The following ARHGAP10 variants were observed in gnomAD, a reference collection of about 807,000 sequenced individuals.
The protein encoded by ARHGAP10 is rho GTPase-activating protein 10.
ARHGAP10 carries 87 observed loss-of-function variants against 108.6 expected under a neutral mutation model. The ratio of observed to expected loss-of-function variants is 0.80; its 90% confidence interval spans 0.67 to 0.96. The LOEUF (loss-of-function observed/expected upper bound fraction) is 0.96, where lower values mean the gene tolerates loss of function less well. Ranked by LOEUF, ARHGAP10 falls within the 40% of genes least tolerant of loss-of-function variation. The pLI is 0.00. For missense variants in ARHGAP10, 939 were observed against 954.5 expected (o/e 0.98, Z 0.21); for synonymous variants, 347 against 341.1 (o/e 1.02, Z -0.19).
At chr4:147,996,113 G>A (rs1035456882) in intron 18 of ARHGAP10, among the ~76,000 whole-genome samples, 4 of 152,178 alleles carry the variant, frequency 2.6e-5, no homozygotes, top group Admixed American at 6.5e-5. Context: ...TGCAGGAGAT[G>A]GTTTGGGCAG....
rs1282789533 is a variant in ARHGAP10 at position 147,824,118 on chromosome 4, G to A, written c.312+1161G>A. Among the ~76,000 whole-genome samples the A allele has an allele frequency of 3.3e-5, 5 of 152,188 alleles. No individual in the cohort carries two copies. The East Asian group carries it at 7.7e-4, about 24-fold the overall frequency. On this transcript the variant is annotated intron_variant, in intron 3 of 22. Transcript: ENST00000336498. ...GCGAGTCACCTGAGGTCAGGAGTTC[G>A]AGACCAGCCTGGCCAACTTGGTGAA...
chr4:147,754,283 CT>C (rs1409289251), intron 1 of ARHGAP10, among the ~76,000 whole-genome samples: 1 of 152,206 alleles, frequency 6.6e-6, no homozygotes, highest in Non-Finnish European at 1.5e-5. Context: ...CATACGATGC[CT>C]TTTGTAAGTA....
chr4:147,836,456 G>C (rs1020704469), intron 3 of ARHGAP10, among the ~76,000 whole-genome samples: 1 of 152,134 alleles, frequency 6.6e-6, no homozygotes, highest in Non-Finnish European at 1.5e-5. Flanking sequence ...TGAACTAGTC[G>C]ATTTGGGATA....
At chr4:147,782,304 C>A (rs1017607453) in intron 1 of ARHGAP10, among the ~76,000 whole-genome samples, 2 of 152,120 alleles carry the variant, frequency 1.3e-5, no homozygotes, top group Non-Finnish European at 2.9e-5. Flanking sequence ...AGGAGCAAGA[C>A]TCTATGTCTT....
At chr4:148,003,738 C>A (rs544392209) in intron 18 of ARHGAP10, among the ~76,000 whole-genome samples, 33 of 152,150 alleles carry the variant, frequency 2.2e-4, no homozygotes, top group Admixed American at 5.9e-4. Context: ...GTAACCCTTG[C>A]CTTTTTTTGT....
intron 1 of ARHGAP10, among the ~76,000 whole-genome samples, chr4:147,738,375 C>A (rs1728505463): frequency 6.6e-6 from 1 of 152,030 alleles, no homozygotes; most frequent in Non-Finnish European, 1.5e-5. Flanking sequence ...CACGGTGAAA[C>A]CCCATCTCTA....
intron 18 of ARHGAP10, among the ~76,000 whole-genome samples, chr4:148,019,533 C>T (rs1443293865): frequency 6.6e-6 from 1 of 151,994 alleles, no homozygotes; most frequent in Non-Finnish European, 1.5e-5. Flanking sequence ...GGACGGATCA[C>T]GAGGTCAGGA....
At chr4:147,796,160 A>G (rs1380533499) in intron 1 of ARHGAP10, among the ~76,000 whole-genome samples, 2 of 152,206 alleles carry the variant, frequency 1.3e-5, no homozygotes, top group Admixed American at 6.5e-5. Context: ...AAATAAGTTT[A>G]TAATAGTTTT....
chr4:147,860,036 T>C (rs1400593594), intron 5 of ARHGAP10, among the ~76,000 whole-genome samples: 2 of 152,244 alleles, frequency 1.3e-5, no homozygotes, highest in African/African-American at 2.4e-5. Flanking sequence ...AATGTAATGC[T>C]AATTTTCAGT....
chr4:147,736,274 G>C (rs779814686), intron 1 of ARHGAP10, among the ~76,000 whole-genome samples: 1 of 152,018 alleles, frequency 6.6e-6, no homozygotes, highest in Non-Finnish European at 1.5e-5. Context: ...CTTGGTTTTG[G>C]TACTTCTAGC....
At chr4:148,020,965 A>G (rs1484129328) in intron 18 of ARHGAP10, among the ~76,000 whole-genome samples, 2 of 152,218 alleles carry the variant, frequency 1.3e-5, no homozygotes, top group Non-Finnish European at 2.9e-5. Flanking sequence ...AGTGTAAAAT[A>G]GCTGTAGAAT....
chr4:147,735,745 T>C (rs909058607), intron 1 of ARHGAP10, among the ~76,000 whole-genome samples: 1 of 152,210 alleles, frequency 6.6e-6, no homozygotes, highest in African/African-American at 2.4e-5. Context: ...GAAGAGCCAG[T>C]CATTTTAGTG....
intron 11 of ARHGAP10, among the ~76,000 whole-genome samples, chr4:147,907,452 GTGCCAGGCAGGCTTATCTGGAAAGCATT>G (rs1316964744): frequency 6.6e-6 from 1 of 152,128 alleles, no homozygotes; most frequent in African/African-American, 2.4e-5. Flanking sequence ...GCCATTGCAG[GTGCCAGGCAGGCTTATCTGGAAAGCATT>G]TGCCAGTTCA....
At chr4:147,843,025 C>T (rs900114200) in intron 3 of ARHGAP10, among the ~76,000 whole-genome samples, 2 of 152,144 alleles carry the variant, frequency 1.3e-5, no homozygotes, top group African/African-American at 4.8e-5. Flanking sequence ...CTGCAAGTGA[C>T]CTTGTTTTGT....
intron 1 of ARHGAP10, among the ~76,000 whole-genome samples, chr4:147,741,767 T>TATAC (rs1553944841): frequency 7.4e-6 from 1 of 134,566 alleles, no homozygotes; most frequent in Non-Finnish European, 1.6e-5. Context: ...TCGTTCTCTT[T>TATAC]ACACACACAC....
chr4:147,947,082 C>T (rs1014429754), intron 15 of ARHGAP10, among the ~76,000 whole-genome samples: 3 of 152,054 alleles, frequency 2.0e-5, no homozygotes, highest in Admixed American at 6.5e-5. Context: ...ATGATTTGAA[C>T]TTAGGCTTAT....
At chr4:147,755,822 A>G (rs186556448) in intron 1 of ARHGAP10, among the ~76,000 whole-genome samples, 65 of 152,182 alleles carry the variant, frequency 4.3e-4, no homozygotes, top group Non-Finnish European at 9.0e-4. Context: ...TGTGTAGTGC[A>G]TTATGAGTCA....
intron 1 of ARHGAP10, among the ~76,000 whole-genome samples, chr4:147,812,219 C>T (rs577192321): frequency 6.6e-5 from 10 of 151,896 alleles, no homozygotes; most frequent in African/African-American, 1.4e-4. Flanking sequence ...TAAAAGGCTG[C>T]GTAGGAAGTG....
chr4:148,016,206 A>T (rs900973651), intron 18 of ARHGAP10, among the ~76,000 whole-genome samples: 1 of 152,190 alleles, frequency 6.6e-6, no homozygotes, highest in African/African-American at 2.4e-5. Context: ...ACATCTTTTT[A>T]AAAAAGAATT....
Sources: gnomAD v4.1 joint callset for allele counts (sites outside exome capture counted in the v4.1 genomes callset) on GRCh38, gnomAD v4.1.1 for gene constraint, MANE v1.5 for transcripts, NCBI Gene and HGNC (gene_info 2026-07-23, HGNC 2026-07-21) for gene names.